The following CCDC82 variants were observed in gnomAD, a reference collection of about 807,000 sequenced individuals.
CCDC82 encodes the protein coiled-coil domain-containing protein 82.
Under a neutral mutation model 60.6 loss-of-function variants are expected in CCDC82, and 47 were observed. The observed-to-expected ratio is 0.77, with a 90% CI of 0.61 to 0.99. CCDC82 has a LOEUF of 0.99. Ranked by LOEUF, CCDC82 falls within the 50% of genes least tolerant of loss-of-function variation. The pLI is 0.00. For missense variants in CCDC82, 588 were observed against 633.0 expected, an observed-to-expected ratio of 0.93 and a Z score of 0.76; for synonymous variants, 212 against 207.4, an observed-to-expected ratio of 1.02 and a Z score of -0.19.
chr11:96,360,201 T>A (rs1164761915), intron 8 of CCDC82, among the ~76,000 whole-genome samples: 1 of 118,960 alleles, frequency 8.4e-6, no homozygotes, highest in African/African-American at 2.9e-5. Context: ...TATATATATT[T>A]TTTTTGTTTT....
rs578214156 is a variant in CCDC82 at position 96,373,197 on chromosome 11, A to T, written c.1084+178T>A. ...CCACATATCTCAGATAATGAACACT[A>T]ACAAGCATTTTACATGAATGGAGTT... On this transcript the variant is annotated intron_variant, in intron 6 of 9. Transcript: ENST00000646818. 4.0e-4 allele frequency among the ~76,000 whole-genome samples: 61 copies of T among 152,338 alleles called. 1 individual carries two copies. Among genetic ancestry groups the T allele is most frequent in the African/African-American group, 1.5e-3 (61 of 41,588 alleles).
intron 7 of CCDC82, among the ~76,000 whole-genome samples, chr11:96,368,782 C>T (rs189299106): frequency 0.011 from 1,714 of 151,488 alleles, 27 homozygotes; most frequent in African/African-American, 0.039. Context: ...AGGAGAATGG[C>T]GTGAACCCAG....
In CCDC82 at chr11:96,353,470, TTTAA is replaced by T. The variant is rs750759384; in HGVS notation, c.*172_*175del. 69 of 555,804 alleles carry T rather than the reference TTTAA, an allele frequency of 1.2e-4. No homozygotes were observed. Among genetic ancestry groups the T allele is most frequent in the East Asian group, 8.3e-4 (27 of 32,468 alleles). 34.4% of individuals were successfully genotyped at this position (555,804 alleles called of 1,614,324 possible). A position where few individuals can be genotyped will look rare whatever the true frequency, so the allele number is the denominator to read the frequency against. On this transcript the variant is annotated 3_prime_UTR_variant, in exon 10 of 10. Coordinates refer to ENST00000646818, the MANE Select transcript of CCDC82 (RefSeq NM_024725.4). ...TGCTTTTATGTACATCAGATAAAAGTTTAATTAGAGTGTAGAGTGCCACTTCACA... is the reference window on the plus strand; with the variant it reads ...TGCTTTTATGTACATCAGATAAAAGTTTAGAGTGTAGAGTGCCACTTCACA...
At chr11:96,383,029 A>C (rs907272314) in intron 5 of CCDC82, 9 of 374,708 alleles carry the variant, frequency 2.4e-5, no homozygotes, top group Non-Finnish European at 3.8e-5. Flanking sequence ...TGATTTCTAC[A>C]ATGGTAAATA....
intron 1 of CCDC82, chr11:96,387,971 G>C (rs999825254): frequency 2.6e-5 from 4 of 152,214 alleles, no homozygotes; most frequent in African/African-American, 9.6e-5. Flanking sequence ...TGCAGAATTT[G>C]AATGCCTGAG....
intron 6 of CCDC82, 54 bp downstream of exon 6, chr11:96,373,321 T>C: frequency 8.4e-7 from 1 of 1,184,616 alleles, no homozygotes; most frequent in Non-Finnish European, 1.2e-6. Context: ...GAGGTTGTTT[T>C]AAAATTGGAA....
chr11:96,383,216 G>T, intron 5 of CCDC82, 53 bp downstream of exon 5: 2 of 1,053,028 alleles, frequency 1.9e-6, no homozygotes, highest in Non-Finnish European at 3.0e-6. Context: ...TTTGATACTT[G>T]ATAAAATATC....
At chr11:96,364,648 C>T (rs1864850815) in intron 8 of CCDC82, 1 of 160,106 alleles carries the variant, frequency 6.2e-6, no homozygotes, top group Non-Finnish European at 1.4e-5. Flanking sequence ...TGCTTTTTAT[C>T]ATTTCACATT....
At position 96,371,562 on chromosome 11, in the gene CCDC82, A is replaced by G. The variant is rs7942884; in HGVS notation, c.1085-425T>C. ...GCACCACTGTACTCCAGCCTGGGTG[A>G]TAGAGTGAGACTCCGTCTCAAAAAG... On this transcript the variant is annotated intron_variant, in intron 6 of 9. Coordinates refer to ENST00000646818, the MANE Select transcript of CCDC82 (RefSeq NM_024725.4). Among the ~76,000 whole-genome samples the G allele has an allele frequency of 1.9e-3, 295 of 152,366 alleles. 1 individual carries two copies. The highest frequency in any genetic ancestry group is 6.9e-3 in the African/African-American group (287 of 41,588).
At chr11:96,358,764 T>C (rs924127302) in intron 9 of CCDC82, 10 of 908,616 alleles carry the variant, frequency 1.1e-5, no homozygotes, top group Non-Finnish European at 1.5e-5. Context: ...ACAGTGTTAA[T>C]GCTTATTAAA....
chr11:96,388,358 TCG>T (rs1866322559), intron 1 of CCDC82: 1 of 152,214 alleles, frequency 6.6e-6, no homozygotes, highest in Non-Finnish European at 1.5e-5. Context: ...GAGAATTTTA[TCG>T]AGCTTCTGTA....
At chr11:96,356,771 A>G (rs931886556) in intron 9 of CCDC82, 3 of 984,410 alleles carry the variant, frequency 3.0e-6, no homozygotes, top group South Asian at 9.4e-5. Flanking sequence ...TTCAACCTTT[A>G]GAAGGAAGAA....
At chr11:96,369,743 G>A (rs1865160490) in intron 7 of CCDC82, among the ~76,000 whole-genome samples, 1 of 152,192 alleles carries the variant, frequency 6.6e-6, no homozygotes, top group Admixed American at 6.5e-5. Flanking sequence ...AGCATATGGT[G>A]TTAGAAAAAT....
At chr11:96,356,354 T>C (rs1392246317) in intron 9 of CCDC82, 14 of 680,150 alleles carry the variant, frequency 2.1e-5, no homozygotes, top group Non-Finnish European at 2.2e-5. Flanking sequence ...ATTATGTATA[T>C]GACAATATTT....
chr11:96,357,808 T>C, intron 9 of CCDC82: 1 of 985,334 alleles, frequency 1.0e-6, no homozygotes, highest in Non-Finnish European at 1.2e-6. Context: ...GAATAAGTGC[T>C]CTCTCCTAAA....
Position 96,384,699 on chromosome 11 carries a change from C to G in CCDC82, c.49G>C (p.Val17Leu), listed in dbSNP as rs776916861. The G allele has an allele frequency of 1.9e-6, 3 of 1,611,470 alleles. No individual in the cohort carries two copies. Among genetic ancestry groups the G allele is most frequent in the Admixed American group, 1.7e-5 (1 of 59,568 alleles). ...HETRRNSKSH[V>L]PEQKSRVDWR... Reference sequence around the variant, plus strand: ...TCAACTCGAGATTTCTGCTCAGGCACGTGACTCTTAGAATTTCTCCTTGTT... The same window carrying G: ...TCAACTCGAGATTTCTGCTCAGGCAGGTGACTCTTAGAATTTCTCCTTGTT... The change falls in exon 4 of 10, where the codon GTG (valine) becomes CTG (leucine). Residue 17 changes from valine to leucine, a missense_variant. By Grantham distance (32) the Val-to-Leu change is conservative (BLOSUM62 1). Coordinates refer to ENST00000646818, the MANE Select transcript of CCDC82 (RefSeq NM_024725.4).
chr11:96,365,831 A>C (rs1864916775), intron 7 of CCDC82, among the ~76,000 whole-genome samples: 1 of 152,206 alleles, frequency 6.6e-6, no homozygotes, highest in East Asian at 1.9e-4. Context: ...AGATACTACT[A>C]TTCTAATTGG....
chr11:96,371,143 CA>C lies in CCDC82; in HGVS notation c.1085-7del, dbSNP rs2136134486. 4.5e-6 allele frequency: 7 copies of C among 1,545,906 alleles called. No homozygotes were observed. Among genetic ancestry groups the C allele is most frequent in the East Asian group, 2.3e-5 (1 of 42,614 alleles). ...TGATTTTTGCCTTGTGCCATCTGTT[CA>C]GGGGATAAACAACAAAAAAAATCAT... On this transcript the variant is annotated splice_polypyrimidine_tract_variant and splice_region_variant and intron_variant, in intron 6 of 9. Coordinates refer to ENST00000646818, the MANE Select transcript of CCDC82 (RefSeq NM_024725.4).
rs1273637465 is a variant in CCDC82, at chr11:96,368,825, CACTG to C, written c.1209+2184_1209+2187del. On this transcript the variant is annotated intron_variant, in intron 7 of 9. Transcript: ENST00000646818. ...AGCTTGCAGTGAGCCGAGATTGCGC[CACTG>C]CACTCCAACCTGGGCGATGGAGAGA... is the stretch of plus-strand genomic sequence containing the variant. Among the ~76,000 whole-genome samples the C allele has an allele frequency of 2.0e-5, 3 of 149,812 alleles. No homozygotes were observed. The East Asian group carries it at 5.9e-4, about 29-fold the overall frequency.
Sources: gnomAD v4.1 joint callset for allele counts (sites outside exome capture counted in the v4.1 genomes callset) on GRCh38, gnomAD v4.1.1 for gene constraint, MANE v1.5 for transcripts, NCBI Gene and HGNC (gene_info 2026-07-23, HGNC 2026-07-21) for gene names.